The following ANHX variants were observed in gnomAD, a reference collection of about 807,000 sequenced individuals.
ANHX encodes the protein anomalous homeobox.
Under a neutral mutation model 38.9 loss-of-function variants are expected in ANHX, and 20 were observed. The ratio of observed to expected loss-of-function variants is 0.51; its 90% confidence interval spans 0.36 to 0.75. The LOEUF is 0.75. ANHX is among the 30% of genes least tolerant of loss of function. The pLI is 0.00. For synonymous variants in ANHX, 185 were observed against 203.1 expected (o/e 0.91, Z 0.76); for missense variants, 475 against 493.1 (o/e 0.96, Z 0.35).
At chr12:133,235,380 CCT>C (rs1431634607) in intron 1 of ANHX, 2 of 152,264 alleles carry the variant, frequency 1.3e-5, no homozygotes, top group Admixed American at 6.5e-5. Context: ...CGCCCGGTGC[CCT>C]GAGGGGCACC....
chr12:133,224,740 C>A (rs539219644), intron 7 of ANHX, among the ~76,000 whole-genome samples: 1 of 147,070 alleles, frequency 6.8e-6, no homozygotes, highest in Non-Finnish European at 1.5e-5. Flanking sequence ...CCGAGGCGGG[C>A]GGATCATGAG....
rs569863651 is a variant in ANHX, at chr12:133,221,918, G to A, written c.1133-566C>T. 4.6e-5 allele frequency among the ~76,000 whole-genome samples: 7 copies of A among 152,294 alleles called. No individual in the cohort carries two copies. Among genetic ancestry groups the A allele is most frequent in the Non-Finnish European group, 1.0e-4 (7 of 68,030 alleles). The stretch of plus-strand genomic sequence containing the variant: ...TGGGTGGACATTTAGGAGAGCTGTG[G>A]CCTGAAAAGGCAGGTTTTTTCCTGC... On this transcript the variant is annotated intron_variant, in intron 7 of 9. Coordinates refer to ENST00000545940, the MANE Select transcript of ANHX (RefSeq NM_001372060.1). The surrounding 1 kb of genome is among the most constrained non-coding windows in gnomAD (Gnocchi z 4.1).
At chr12:133,231,724 C>G in intron 2 of ANHX, 80 bp from the exon 3 acceptor site, 4 of 1,497,308 alleles carry the variant, frequency 2.7e-6, no homozygotes, top group Non-Finnish European at 3.6e-6. Flanking sequence ...CATCCCAAAC[C>G]GACTCAGCCT....
chr12:133,219,148 A>T lies in ANHX; in HGVS notation c.1365+135T>A, dbSNP rs545692827. 4.7e-4 allele frequency: 487 copies of T among 1,030,314 alleles called. 8 individuals are homozygous for T. The South Asian group carries it at 6.5e-3, about 14-fold the overall frequency. 63.8% of individuals were successfully genotyped at this position (1,030,314 alleles called of 1,614,324 possible). A position where few individuals can be genotyped will look rare whatever the true frequency, so the allele number is the denominator to read the frequency against. ...TCCCAGTCCAGTAATGTCCAGCCAC[A>T]AATCATCTTTGCCCCTTGTTTATCT... On this transcript the variant is annotated intron_variant, in intron 9 of 9. Transcript: ENST00000545940.
chr12:133,235,829 C>T lies in ANHX; in HGVS notation c.-45G>A, dbSNP rs141289920. The T allele has an allele frequency of 0.8, 120,710 of 150,962 alleles. 48,968 individuals are homozygous for T. Among genetic ancestry groups the T allele is most frequent in the African/African-American group, 0.94 (38,516 of 41,042 alleles). The allele number at this position is 150,962 out of a possible 1,614,324, so 9.4% of individuals were successfully genotyped here. A position where few individuals can be genotyped will look rare whatever the true frequency, so the allele number is the denominator to read the frequency against. On this transcript the variant is annotated 5_prime_UTR_variant, in exon 1 of 10. Transcript: ENST00000545940. Reference sequence around the variant, plus strand: ...CACCCTCCGGGACCCGCTTCAGCGCCGGCGCACGTGCTTGGCGCGCACCCG... The same window carrying T: ...CACCCTCCGGGACCCGCTTCAGCGCTGGCGCACGTGCTTGGCGCGCACCCG...
At chr12:133,227,757 T>C (rs925857487) in intron 4 of ANHX, 67 bp downstream of exon 4, 2 of 1,513,012 alleles carry the variant, frequency 1.3e-6, no homozygotes, top group South Asian at 1.2e-5. Context: ...GGGGTGGGGG[T>C]ACCCCTTGGG....
chr12:133,222,489 C>G (rs1021135091), intron 7 of ANHX, among the ~76,000 whole-genome samples: 2 of 152,180 alleles, frequency 1.3e-5, no homozygotes, highest in African/African-American at 4.8e-5. Context: ...AACATCCCCC[C>G]TCACTTGAGC....
intron 9 of ANHX, 68 bp downstream of exon 9, chr12:133,219,215 C>T (rs1354602821): frequency 2.9e-6 from 4 of 1,387,396 alleles, no homozygotes; most frequent in Non-Finnish European, 3.9e-6. Context: ...CTGAACCCTC[C>T]TCAGCACCAT....
In ANHX at chr12:133,218,778, G is replaced by A. The variant is rs1046651075; in HGVS notation, c.*107C>T. On this transcript the variant is annotated 3_prime_UTR_variant, in exon 10 of 10. Transcript: ENST00000545940. ...AGCAGAGCCCCCAGGGGAACTCTGGGGACCTTCATTTTGTATTCAGGATAA... is the reference window on the plus strand; with the variant it reads ...AGCAGAGCCCCCAGGGGAACTCTGGAGACCTTCATTTTGTATTCAGGATAA... 2.6e-6 allele frequency: 2 copies of A among 775,930 alleles called. No individual in the cohort carries two copies. Among genetic ancestry groups the A allele is most frequent in the Non-Finnish European group, 1.8e-6 (1 of 541,018 alleles). The allele number at this position is 775,930 out of a possible 1,614,324, so 48.1% of individuals were successfully genotyped here.
chr12:133,223,443 T>A (rs1016176007), intron 7 of ANHX, among the ~76,000 whole-genome samples: 2 of 142,476 alleles, frequency 1.4e-5, no homozygotes, highest in Non-Finnish European at 3.1e-5. Context: ...GGAGACTTTA[T>A]TCTTTTTTTT....
rs978785891 is a variant in ANHX at position 133,231,642 on chromosome 12, C to T, written c.252G>A (p.Gly84=). The T allele has an allele frequency of 1.3e-6, 2 of 1,535,974 alleles. No homozygotes were observed. Among genetic ancestry groups the T allele is most frequent in the Non-Finnish European group, 1.7e-6 (2 of 1,146,896 alleles). ...CCTGGCTGCCTCCCGGCACCTGGCA[C>T]CCCTGCCAAGAAGAGTGTACTGAGC... ...QQQAACRLLE[G]CQVPGGSQEL... Residue 84 remains glycine (G), a splice_region_variant and synonymous_variant, in exon 3 of 10, where the codon GGG becomes GGA. Coordinates refer to ENST00000545940, the MANE Select transcript of ANHX (RefSeq NM_001372060.1).
chr12:133,234,735 T>A (rs1235717007), intron 1 of ANHX: 1 of 228,022 alleles, frequency 4.4e-6, no homozygotes, highest in African/African-American at 2.2e-5. Context: ...CCCACATACA[T>A]GCACTTGTTT....
intron 3 of ANHX, 79 bp downstream of exon 3, chr12:133,231,437 AG>A: frequency 6.6e-7 from 1 of 1,512,778 alleles, no homozygotes; most frequent in Non-Finnish European, 8.8e-7. Context: ...ACTTTGCTTC[AG>A]CCCCTCTGGG....
intron 5 of ANHX, among the ~76,000 whole-genome samples, 161 bp from the exon 6 acceptor site, chr12:133,226,599 A>G (rs955525708): frequency 6.6e-6 from 1 of 152,184 alleles, no homozygotes; most frequent in African/African-American, 2.4e-5. Context: ...CCAACAATCC[A>G]TAATTGCCAA....
intron 6 of ANHX, among the ~76,000 whole-genome samples, chr12:133,226,047 C>T (rs778668769): frequency 1.3e-5 from 2 of 152,202 alleles, no homozygotes; most frequent in South Asian, 2.1e-4. Flanking sequence ...CATGTGTTTC[C>T]TTCTAAGTCT....
intron 1 of ANHX, 66 bp from the exon 2 acceptor site, chr12:133,234,444 C>G (rs1469759658): frequency 4.1e-6 from 6 of 1,471,548 alleles, no homozygotes; most frequent in African/African-American, 2.8e-5. Flanking sequence ...GTCAATCGCC[C>G]AACCCACTCT....
Position 133,218,886 on chromosome 12 carries a change from CA to C in ANHX, c.1450del (p.Ter484GlufsTer65). On this transcript the variant is annotated frameshift_variant and stop_lost, in exon 10 of 10. Coordinates refer to ENST00000545940, the MANE Select transcript of ANHX (RefSeq NM_001372060.1). LOFTEE classifies it high-confidence loss of function. ...LLEFSGSSLG[*>X] ...TGCTGTCTGGCTCCTGGGGATAGCT[CA>C]GCCCAGGCTGCTCCCTGAAAACTCA... 1 of 1,514,742 alleles carries C rather than the reference CA, an allele frequency of 6.6e-7. No homozygotes were observed. Among genetic ancestry groups the C allele is most frequent in the Non-Finnish European group, 8.8e-7 (1 of 1,132,862 alleles). 93.8% of individuals were successfully genotyped at this position (1,514,742 alleles called of 1,614,324 possible).
At position 133,231,507 on chromosome 12, in the gene ANHX, T is replaced by C. The variant is rs903785406; in HGVS notation, c.377+10A>G. On this transcript the variant is annotated intron_variant, in intron 3 of 9. Coordinates refer to ENST00000545940, the MANE Select transcript of ANHX (RefSeq NM_001372060.1). ...CATGAAATATGCACAAGTAAATGCTTGTAGGTTACCTCTTCCTGCAGCGGA... is the reference window on the plus strand; with the variant it reads ...CATGAAATATGCACAAGTAAATGCTCGTAGGTTACCTCTTCCTGCAGCGGA... 8 of 1,536,110 alleles carry C rather than the reference T, an allele frequency of 5.2e-6. No individual in the cohort carries two copies. The highest frequency in any genetic ancestry group is 7.0e-6 in the Non-Finnish European group (8 of 1,146,888).
In ANHX at chr12:133,226,353, G is replaced by C. The variant is rs1042447252; in HGVS notation, c.804C>G (p.Pro268=). Residue 268 remains proline (P), a synonymous_variant, in exon 6 of 10, where the codon CCC becomes CCG. Transcript: ENST00000545940. ...WEPLALAPDF[P]ADETVSKPLD... ...GTGGCTTTGAGACTGTCTCATCTGC[G>C]GGAAAGTCCGGGGCTAAGGCCAGTG... 1.3e-6 allele frequency: 2 copies of C among 1,536,240 alleles called. No individual in the cohort carries two copies. The highest frequency in any genetic ancestry group is 2.0e-5 in the Admixed American group (1 of 51,000).
Sources: allele counts gnomAD v4.1 joint callset (sites outside exome capture counted in the v4.1 genomes callset), GRCh38; gene constraint gnomAD v4.1.1; non-coding constraint Gnocchi (gnomAD v3.1); transcripts MANE v1.5; gene names NCBI Gene and HGNC (gene_info 2026-07-23, HGNC 2026-07-21).